The following AGBL1 variants were observed in gnomAD, a reference collection of about 807,000 sequenced individuals.
AGBL1 encodes cytosolic carboxypeptidase 4.
Under a neutral mutation model 118.9 loss-of-function variants are expected in AGBL1, and 130 were observed. The ratio of observed to expected loss-of-function variants is 1.09; its 90% confidence interval spans 0.95 to 1.26. The LOEUF is 1.26. AGBL1 is among the 50% of genes most tolerant of loss of function. The pLI is 0.00. For missense variants in AGBL1, 1,584 were observed against 1,298.1 expected (o/e 1.22, Z -3.38); for synonymous variants, 555 against 478.9 (o/e 1.16, Z -2.08).
intron 24 of AGBL1, among the ~76,000 whole-genome samples, chr15:87,003,196 G>T (rs1405384604): frequency 6.6e-6 from 1 of 152,132 alleles, no homozygotes; most frequent in Non-Finnish European, 1.5e-5. Context: ...AAGGGCTGTT[G>T]AATTTTGTCA....
chr15:86,151,620 C>T (rs1038102541), intron 3 of AGBL1, among the ~76,000 whole-genome samples: 6 of 152,164 alleles, frequency 3.9e-5, no homozygotes, highest in African/African-American at 9.7e-5. Context: ...CAGCACAAGA[C>T]GAGTATGCCC....
At position 86,714,477 on chromosome 15, in the gene AGBL1, A is replaced by C. The variant is rs144025961; in HGVS notation, c.3158+40041A>C. Among the ~76,000 whole-genome samples the C allele has an allele frequency of 1.7e-3, 265 of 152,332 alleles. 2 individuals carry two copies. In the East Asian group the frequency reaches 0.022, roughly 13 times the overall value. The stretch of plus-strand genomic sequence containing the variant: ...GGGGATTTGGAGCAATGGCTGTCTT[A>C]TCAAAGCCATGTGTGTGTGCAGATA... On this transcript the variant is annotated intron_variant, in intron 22 of 22. Coordinates refer to ENST00000614907, the MANE Select transcript of AGBL1 (RefSeq NM_001386094.1).
At chr15:86,834,790 G>T (rs148947459) in intron 22 of AGBL1, among the ~76,000 whole-genome samples, 203 of 152,270 alleles carry the variant, frequency 1.3e-3, no homozygotes, top group African/African-American at 4.7e-3. Flanking sequence ...GAGCTTCTCC[G>T]TTGACACTAA....
chr15:86,882,214 A>G (rs2079903736), intron 22 of AGBL1, among the ~76,000 whole-genome samples: 1 of 152,192 alleles, frequency 6.6e-6, no homozygotes, highest in South Asian at 2.1e-4. Flanking sequence ...AACTTGCTGT[A>G]CTTTGTTTCC....
chr15:86,342,438 G>A (rs938222171), intron 17 of AGBL1, among the ~76,000 whole-genome samples: 5 of 152,082 alleles, frequency 3.3e-5, no homozygotes, highest in African/African-American at 1.2e-4. Context: ...AATGAAGGAG[G>A]TAAAGAGAAT....
At chr15:86,978,273 ATCT>A (rs1300885509) in intron 23 of AGBL1, among the ~76,000 whole-genome samples, 80 of 152,320 alleles carry the variant, frequency 5.3e-4, no homozygotes, top group South Asian at 6.2e-4. Flanking sequence ...ATGAAAGTAG[ATCT>A]TCTTCCTAGG....
chr15:86,153,130 T>A (rs990005948), intron 3 of AGBL1, among the ~76,000 whole-genome samples: 2 of 152,046 alleles, frequency 1.3e-5, no homozygotes, highest in African/African-American at 4.8e-5. Flanking sequence ...AGAACTAGAA[T>A]TACCATTTGA....
chr15:86,305,990 T>A (rs909968938), intron 17 of AGBL1, among the ~76,000 whole-genome samples: 6 of 151,998 alleles, frequency 3.9e-5, no homozygotes, highest in East Asian at 1.9e-4. Context: ...TAATAGTTTT[T>A]AAAATTTTTT....
chr15:86,083,098 C>T (rs1895396481), intron 1 of AGBL1, among the ~76,000 whole-genome samples: 1 of 152,196 alleles, frequency 6.6e-6, no homozygotes, highest in Admixed American at 6.5e-5. Context: ...TTTATGATTT[C>T]CCTCGTTGAG....
chr15:86,848,293 TAC>T (rs1349111195), intron 22 of AGBL1, among the ~76,000 whole-genome samples: 6 of 152,256 alleles, frequency 3.9e-5, no homozygotes, highest in African/African-American at 1.4e-4. Flanking sequence ...TTTTAGTTTT[TAC>T]TTTTTTCTAA....
chr15:87,031,367 A>G (rs1457384219), downstream of AGBL1, among the ~76,000 whole-genome samples: 1 of 151,998 alleles, frequency 6.6e-6, no homozygotes, highest in Non-Finnish European at 1.5e-5. Context: ...ATACATTTAC[A>G]GCAAATAGGA....
chr15:86,271,840 G>A, intron 15 of AGBL1, 134 bp downstream of exon 15: 1 of 810,162 alleles, frequency 1.2e-6, no homozygotes, highest in Non-Finnish European at 2.0e-6. Context: ...CTGTCCTAAT[G>A]GCCAGTGTCC....
At chr15:86,743,558 C>A (rs1179038085) in intron 22 of AGBL1, among the ~76,000 whole-genome samples, 1 of 152,022 alleles carries the variant, frequency 6.6e-6, no homozygotes, top group Non-Finnish European at 1.5e-5. Flanking sequence ...CACTGGGGAG[C>A]GTTCTTACCT....
intron 18 of AGBL1, among the ~76,000 whole-genome samples, chr15:86,521,332 G>T (rs2083186418): frequency 6.6e-6 from 1 of 152,174 alleles, no homozygotes; most frequent in Non-Finnish European, 1.5e-5. Flanking sequence ...GCATATGAAT[G>T]CTGGTAAATT....
intron 5 of AGBL1, among the ~76,000 whole-genome samples, chr15:86,172,111 C>T (rs935064336): frequency 6.6e-6 from 1 of 152,100 alleles, no homozygotes; most frequent in Non-Finnish European, 1.5e-5. Flanking sequence ...GGTGATGGTG[C>T]ACCAAAATCT....
At chr15:86,882,097 A>C (rs1030643972) in intron 22 of AGBL1, among the ~76,000 whole-genome samples, 1 of 152,140 alleles carries the variant, frequency 6.6e-6, no homozygotes, top group East Asian at 1.9e-4. Flanking sequence ...CCCGTATCCA[A>C]CCTCTCTTGA....
intron 21 of AGBL1, among the ~76,000 whole-genome samples, chr15:86,566,390 A>G (rs1292645269): frequency 1.3e-5 from 2 of 152,034 alleles, no homozygotes; most frequent in African/African-American, 2.4e-5. Context: ...TCTCCTTTTC[A>G]TTTTATTCTT....
chr15:86,496,193 G>C (rs1252330595), intron 18 of AGBL1, among the ~76,000 whole-genome samples: 2 of 151,944 alleles, frequency 1.3e-5, no homozygotes, highest in Non-Finnish European at 2.9e-5. Flanking sequence ...AATATCTGAT[G>C]ATTTTATAAA....
chr15:86,526,192 G>A (rs1072289), intron 19 of AGBL1, among the ~76,000 whole-genome samples: 1,986 of 151,966 alleles, frequency 0.013, 35 homozygotes, highest in African/African-American at 0.045. Flanking sequence ...AAGAATGGCC[G>A]TTTTTAAAAG....
Sources: allele counts gnomAD v4.1 joint callset (sites outside exome capture counted in the v4.1 genomes callset), GRCh38; gene constraint gnomAD v4.1.1; transcripts MANE v1.5; gene names NCBI Gene and HGNC (gene_info 2026-07-23, HGNC 2026-07-21).